Variants in MCEMP1 observed in about 807,000 individuals in gnomAD.
The protein encoded by MCEMP1 is mast cell expressed membrane protein 1.
In MCEMP1, 17 loss-of-function variants were observed where a neutral mutation model predicts 27.9. That is an observed-to-expected ratio of 0.61 (90% CI 0.42 to 0.91). The LOEUF (loss-of-function observed/expected upper bound fraction) is 0.91, where lower values mean the gene tolerates loss of function less well. MCEMP1 is among the 40% of genes least tolerant of loss of function. The pLI, the probability that MCEMP1 is intolerant of heterozygous loss-of-function variation, is 0.00. For synonymous variants in MCEMP1, 88 were observed against 76.9 expected (o/e 1.14, Z -0.76); for missense variants, 200 against 204.8 (o/e 0.98, Z 0.14).
Position 7,679,093 on chromosome 19 carries a change from C to G in MCEMP1, c.509-5C>G, listed in dbSNP as rs766923466. ...GCCTCACTGTGGGTCTCTCCCCATCCCCAGAGTCCTCACCTCAATAAATGA... is the reference window on the plus strand; with the variant it reads ...GCCTCACTGTGGGTCTCTCCCCATCGCCAGAGTCCTCACCTCAATAAATGA... On this transcript the variant is annotated splice_polypyrimidine_tract_variant and splice_region_variant and intron_variant, in intron 6 of 6. Coordinates refer to ENST00000333598, the MANE Select transcript of MCEMP1 (RefSeq NM_174918.3). The surrounding 1 kb of genome is among the most constrained non-coding windows in gnomAD (Gnocchi z 4.9). The G allele has an allele frequency of 1.2e-6, 2 of 1,606,656 alleles. No homozygotes were observed. Among genetic ancestry groups the G allele is most frequent in the South Asian group, 2.2e-5 (2 of 89,826 alleles).
rs2146254508 is a variant in MCEMP1 at position 7,678,021 on chromosome 19, T to G, written c.146-83T>G. 7 of 1,501,744 alleles carry G rather than the reference T, an allele frequency of 4.7e-6. 1 individual carries two copies. In the South Asian group the frequency reaches 9.3e-5, roughly 20 times the overall value. 93.0% of individuals were successfully genotyped at this position (1,501,744 alleles called of 1,614,324 possible). ...GCTGATGGTTTTGAGAGGAGCGAGG[T>G]GTCCATGGTGTTAGAGACAGTGAGG... On this transcript the variant is annotated intron_variant, in intron 2 of 6. Transcript: ENST00000333598. The surrounding 1 kb of genome is among the most constrained non-coding windows in gnomAD (Gnocchi z 4.8).
chr19:7,679,457 G>C lies in MCEMP1; in HGVS notation c.*343G>C, dbSNP rs962831691. ...CAGTGAATGTGGCATGCATGCCTGTGTCATGTGACATATGTGAGTCTCGGC... is the reference window on the plus strand; with the variant it reads ...CAGTGAATGTGGCATGCATGCCTGTCTCATGTGACATATGTGAGTCTCGGC... On this transcript the variant is annotated 3_prime_UTR_variant, in exon 7 of 7. Transcript: ENST00000333598. This position sits in a 1 kb window ranked among gnomAD's most constrained non-coding sequence, Gnocchi z 4.9. 2.1e-5 allele frequency: 7 copies of C among 327,480 alleles called. No individual in the cohort carries two copies. In the Admixed American group the frequency reaches 2.9e-4, roughly 14 times the overall value. 20.3% of individuals were successfully genotyped at this position (327,480 alleles called of 1,614,324 possible).
Position 7,679,723 on chromosome 19 carries a change from G to T in MCEMP1, c.*609G>T, listed in dbSNP as rs2032602292. On this transcript the variant is annotated 3_prime_UTR_variant, in exon 7 of 7. Transcript: ENST00000333598. The surrounding 1 kb of genome is among the most constrained non-coding windows in gnomAD (Gnocchi z 4.9). ...GGTGAACGGCTGTGTCATTATGAGT[G>T]TGCCGAGTTATGCCACCCTGTGTGC... 6.6e-6 allele frequency: 1 copy of T among 152,428 alleles called. No homozygotes were observed. Among genetic ancestry groups the T allele is most frequent in the South Asian group, 2.0e-4 (1 of 4,910 alleles). 9.4% of individuals were successfully genotyped at this position (152,428 alleles called of 1,614,324 possible). A position where few individuals can be genotyped will look rare whatever the true frequency, so the allele number is the denominator to read the frequency against.
At position 7,678,232 on chromosome 19, in the gene MCEMP1, A is replaced by G; in HGVS notation, c.274A>G (p.Met92Val). The change falls in exon 3 of 7, where the codon ATG becomes GTG. Residue 92 changes from methionine to valine, a missense_variant. By Grantham distance (21) the Met-to-Val change is conservative. Coordinates refer to ENST00000333598, the MANE Select transcript of MCEMP1 (RefSeq NM_174918.3). This position sits in a 1 kb window ranked among gnomAD's most constrained non-coding sequence, Gnocchi z 4.8. ...VLCIILSAFI[M>V]VKNAEMSKEL... is the part of the protein sequence containing the mutation. ...CTGCATCATCCTGTCAGCCTTCATC[A>G]TGGTGAAGAGTGAGTACTTCTTGGG... 1 of 1,613,996 alleles carries G rather than the reference A, an allele frequency of 6.2e-7. No homozygotes were observed. Among genetic ancestry groups the G allele is most frequent in the Non-Finnish European group, 8.5e-7 (1 of 1,179,984 alleles).
At position 7,679,040 on chromosome 19, in the gene MCEMP1, C is replaced by A. The variant is rs371986223; in HGVS notation, c.508+57C>A. On this transcript the variant is annotated intron_variant, in intron 6 of 6. Transcript: ENST00000333598. This position sits in a 1 kb window ranked among gnomAD's most constrained non-coding sequence, Gnocchi z 4.9. ...GGGTGGGTGGGGCTTCAGATTTAGCCCCAGCTCCTCTCCCAGGGGCGGGAT... is the reference window on the plus strand; with the variant it reads ...GGGTGGGTGGGGCTTCAGATTTAGCACCAGCTCCTCTCCCAGGGGCGGGAT... The A allele has an allele frequency of 1.4e-5, 23 of 1,604,746 alleles. No homozygotes were observed. The highest frequency in any genetic ancestry group is 3.3e-4 in the Middle Eastern group (2 of 5,986).
In MCEMP1 at chr19:7,678,812, C is replaced by T. The variant is rs541924211; in HGVS notation, c.449-112C>T. On this transcript the variant is annotated intron_variant, in intron 5 of 6. Coordinates refer to ENST00000333598, the MANE Select transcript of MCEMP1 (RefSeq NM_174918.3). The surrounding 1 kb of genome is among the most constrained non-coding windows in gnomAD (Gnocchi z 4.8). ...CCCAAATCCATGGGCTCTGCTGTAC[C>T]CCAGGGTGGGTGTGGGGCAGGGGGG... The T allele has an allele frequency of 8.1e-7, 1 of 1,230,682 alleles. No homozygotes were observed. Among genetic ancestry groups the T allele is most frequent in the Non-Finnish European group, 1.1e-6 (1 of 876,284 alleles). The allele number at this position is 1,230,682 out of a possible 1,614,324, so 76.2% of individuals were successfully genotyped here. A position where few individuals can be genotyped will look rare whatever the true frequency, so the allele number is the denominator to read the frequency against.
chr19:7,677,803 G>A lies in MCEMP1; in HGVS notation c.145+77G>A, dbSNP rs1247005782. The A allele has an allele frequency of 1.1e-5, 15 of 1,374,924 alleles. No homozygotes were observed. In the East Asian group the frequency reaches 3.5e-4, roughly 32 times the overall value. 85.2% of individuals were successfully genotyped at this position (1,374,924 alleles called of 1,614,324 possible). ...GGGCGGGCAACTGCAGGGCCCCCGG[G>A]GCTGCGTGGAAGGGAGGAAGCGATG... On this transcript the variant is annotated intron_variant, in intron 2 of 6. Transcript: ENST00000333598. The surrounding 1 kb of genome is among the most constrained non-coding windows in gnomAD (Gnocchi z 4.6).
At position 7,677,960 on chromosome 19, in the gene MCEMP1, T is replaced by C; in HGVS notation, c.146-144T>C. On this transcript the variant is annotated intron_variant, in intron 2 of 6. Coordinates refer to ENST00000333598, the MANE Select transcript of MCEMP1 (RefSeq NM_174918.3). The surrounding 1 kb of genome is among the most constrained non-coding windows in gnomAD (Gnocchi z 4.6). The stretch of plus-strand genomic sequence containing the variant: ...CTGAGGGTGGCTGGTGGTGGCAGTG[T>C]TGTTGACGATGATGACAAGCTGCAT... The C allele has an allele frequency of 1.5e-6, 2 of 1,299,394 alleles. No individual in the cohort carries two copies. The highest frequency in any genetic ancestry group is 2.1e-6 in the Non-Finnish European group (2 of 945,346). The allele number at this position is 1,299,394 out of a possible 1,614,324, so 80.5% of individuals were successfully genotyped here. A position where few individuals can be genotyped will look rare whatever the true frequency, so the allele number is the denominator to read the frequency against.
chr19:7,677,154 G>A lies in MCEMP1; in HGVS notation c.34G>A (p.Gly12Arg), dbSNP rs1268776984. The change falls in exon 1 of 7, where the codon GGG (glycine) becomes AGG (arginine). Residue 12 changes from glycine (G) to arginine (R), a missense_variant. By Grantham distance (125) the Gly-to-Arg change is moderately radical. Transcript: ENST00000333598. This position sits in a 1 kb window ranked among gnomAD's most constrained non-coding sequence, Gnocchi z 4.6. ...ACCAGCCTTCAGGGACAAGAAACAG[G>A]GGGTCTCAGCCAAGAATCAAGGTTA... ...QAPAFRDKKQGVSAKNQGAHD... is the reference protein window; with the variant it reads ...QAPAFRDKKQRVSAKNQGAHD... 1.3e-6 allele frequency: 2 copies of A among 1,594,776 alleles called. No individual in the cohort carries two copies. The highest frequency in any genetic ancestry group is 1.3e-5 in the African/African-American group (1 of 74,240).
chr19:7,679,088 C>T lies in MCEMP1; in HGVS notation c.509-10C>T. ...GATCTGCCTCACTGTGGGTCTCTCCCCATCCCCAGAGTCCTCACCTCAATA... is the reference window on the plus strand; with the variant it reads ...GATCTGCCTCACTGTGGGTCTCTCCTCATCCCCAGAGTCCTCACCTCAATA... On this transcript the variant is annotated splice_polypyrimidine_tract_variant and intron_variant, in intron 6 of 6. Coordinates refer to ENST00000333598, the MANE Select transcript of MCEMP1 (RefSeq NM_174918.3). This position sits in a 1 kb window ranked among gnomAD's most constrained non-coding sequence, Gnocchi z 4.9. 1 of 1,607,512 alleles carries T rather than the reference C, an allele frequency of 6.2e-7. No individual in the cohort carries two copies. The highest frequency in any genetic ancestry group is 8.5e-7 in the Non-Finnish European group (1 of 1,176,634).
rs1383441755 is a variant in MCEMP1 at position 7,677,917 on chromosome 19, G to A, written c.146-187G>A. The A allele has an allele frequency of 1.1e-5, 12 of 1,065,622 alleles. 1 individual carries two copies. Among genetic ancestry groups the A allele is most frequent in the Admixed American group, 2.3e-5 (1 of 43,182 alleles). 66.0% of individuals were successfully genotyped at this position (1,065,622 alleles called of 1,614,324 possible). On this transcript the variant is annotated intron_variant, in intron 2 of 6. Coordinates refer to ENST00000333598, the MANE Select transcript of MCEMP1 (RefSeq NM_174918.3). This position sits in a 1 kb window ranked among gnomAD's most constrained non-coding sequence, Gnocchi z 4.6. Reference sequence around the variant, plus strand: ...GAATGCTGGAGAGGGGGTCTGTGATGGTGACGGTGTTAGATCGCTGAGGGT... The same window carrying A: ...GAATGCTGGAGAGGGGGTCTGTGATAGTGACGGTGTTAGATCGCTGAGGGT...
Position 7,677,780 on chromosome 19 carries a change from G to A in MCEMP1, c.145+54G>A. The A allele has an allele frequency of 6.8e-7, 1 of 1,478,992 alleles. No individual in the cohort carries two copies. Among genetic ancestry groups the A allele is most frequent in the Non-Finnish European group, 9.1e-7 (1 of 1,094,716 alleles). 91.6% of individuals were successfully genotyped at this position (1,478,992 alleles called of 1,614,324 possible). A position where few individuals can be genotyped will look rare whatever the true frequency, so the allele number is the denominator to read the frequency against. ...CATCACCTTGGGAAGGGGCAGGTGG[G>A]CGGGCAACTGCAGGGCCCCCGGGGC... On this transcript the variant is annotated intron_variant, in intron 2 of 6. Transcript: ENST00000333598. This position sits in a 1 kb window ranked among gnomAD's most constrained non-coding sequence, Gnocchi z 4.6.
rs1471366124 is a variant in MCEMP1, at chr19:7,678,126, C to T, written c.168C>T (p.Pro56=). 1 of 1,610,740 alleles carries T rather than the reference C, an allele frequency of 6.2e-7. No individual in the cohort carries two copies. The highest frequency in any genetic ancestry group is 8.5e-7 in the Non-Finnish European group (1 of 1,178,546). The change falls in exon 3 of 7, where the codon CCC becomes CCT. Residue 56 remains proline (P), a synonymous_variant. Coordinates refer to ENST00000333598, the MANE Select transcript of MCEMP1 (RefSeq NM_174918.3). The surrounding 1 kb of genome is among the most constrained non-coding windows in gnomAD (Gnocchi z 4.8). The part of the protein sequence containing the change: ...TSQVPAQCRP[P]SDSTQVPCWL... ...CAGTCCCAGCCCAGTGCAGGCCGCC[C>T]TCAGACTCCACCCAGGTCCCCTGCT...
rs773682928 is a variant in MCEMP1 at position 7,678,331 on chromosome 19, T to TC, written c.284-17dup. 3 of 1,614,102 alleles carry TC rather than the reference T, an allele frequency of 1.9e-6. No individual in the cohort carries two copies. Among genetic ancestry groups the TC allele is most frequent in the Non-Finnish European group, 2.5e-6 (3 of 1,180,016 alleles). ...CTCTCCCTGGGTGCTTCAAGGATTT[T>TC]CCTGCCCCTCCTGAACAGATGCTGA... On this transcript the variant is annotated intron_variant, in intron 3 of 6. Coordinates refer to ENST00000333598, the MANE Select transcript of MCEMP1 (RefSeq NM_174918.3). This position sits in a 1 kb window ranked among gnomAD's most constrained non-coding sequence, Gnocchi z 4.8.
In MCEMP1 at chr19:7,677,156, G is replaced by A. The variant is rs576910434; in HGVS notation, c.36G>A (p.Gly12=). The change falls in exon 1 of 7, where the codon GGG becomes GGA. Residue 12 remains glycine, a synonymous_variant. Coordinates refer to ENST00000333598, the MANE Select transcript of MCEMP1 (RefSeq NM_174918.3). The surrounding 1 kb of genome is among the most constrained non-coding windows in gnomAD (Gnocchi z 4.6). ...CAGCCTTCAGGGACAAGAAACAGGG[G>A]GTCTCAGCCAAGAATCAAGGTTAGG... is the stretch of plus-strand genomic sequence containing the variant. The part of the protein sequence containing the change: ...QAPAFRDKKQ[G]VSAKNQGAHD... 93 of 1,594,104 alleles carry A rather than the reference G, an allele frequency of 5.8e-5. No individual in the cohort carries two copies. The South Asian group carries it at 8.7e-4, about 15-fold the overall frequency.
At position 7,677,982 on chromosome 19, in the gene MCEMP1, G is replaced by T; in HGVS notation, c.146-122G>T. 4 of 1,418,946 alleles carry T rather than the reference G, an allele frequency of 2.8e-6. No individual in the cohort carries two copies. Among genetic ancestry groups the T allele is most frequent in the Non-Finnish European group, 3.8e-6 (4 of 1,053,254 alleles). The allele number at this position is 1,418,946 out of a possible 1,614,324, so 87.9% of individuals were successfully genotyped here. A position where few individuals can be genotyped will look rare whatever the true frequency, so the allele number is the denominator to read the frequency against. ...GTGTTGTTGACGATGATGACAAGCT[G>T]CATGACCACAGCTGCTGATGGTTTT... On this transcript the variant is annotated intron_variant, in intron 2 of 6. Transcript: ENST00000333598. The surrounding 1 kb of genome is among the most constrained non-coding windows in gnomAD (Gnocchi z 4.6).
rs1034052152 is a variant in MCEMP1, at chr19:7,677,565, G to A, written c.56-72G>A. On this transcript the variant is annotated intron_variant, in intron 1 of 6. Coordinates refer to ENST00000333598, the MANE Select transcript of MCEMP1 (RefSeq NM_174918.3). The surrounding 1 kb of genome is among the most constrained non-coding windows in gnomAD (Gnocchi z 4.6). ...CCCTACAATTTATTGAGTGCAAAGGGTTGGGTAAAACAAGATCCCGGATCC... is the reference window on the plus strand; with the variant it reads ...CCCTACAATTTATTGAGTGCAAAGGATTGGGTAAAACAAGATCCCGGATCC... The A allele has an allele frequency of 1.4e-6, 2 of 1,393,564 alleles. No individual in the cohort carries two copies. Among genetic ancestry groups the A allele is most frequent in the East Asian group, 2.3e-5 (1 of 43,824 alleles). 86.3% of individuals were successfully genotyped at this position (1,393,564 alleles called of 1,614,324 possible). A position where few individuals can be genotyped will look rare whatever the true frequency, so the allele number is the denominator to read the frequency against.
chr19:7,679,392 A>C lies in MCEMP1; in HGVS notation c.*278A>C, dbSNP rs936915481. On this transcript the variant is annotated 3_prime_UTR_variant, in exon 7 of 7. Coordinates refer to ENST00000333598, the MANE Select transcript of MCEMP1 (RefSeq NM_174918.3). The surrounding 1 kb of genome is among the most constrained non-coding windows in gnomAD (Gnocchi z 4.9). ...TTGCAAAGGGTGGACATTTCAGTGT[A>C]TCTCCCAGAAAGGTGATGAATGAAT... The C allele has an allele frequency of 6.3e-6, 3 of 473,580 alleles. No individual in the cohort carries two copies. Among genetic ancestry groups the C allele is most frequent in the African/African-American group, 6.0e-5 (3 of 50,010 alleles). The allele number at this position is 473,580 out of a possible 1,614,324, so 29.3% of individuals were successfully genotyped here. A position where few individuals can be genotyped will look rare whatever the true frequency, so the allele number is the denominator to read the frequency against.
Position 7,678,272 on chromosome 19 carries a change from G to T in MCEMP1, c.283+31G>T, listed in dbSNP as rs372401061. The T allele has an allele frequency of 3.1e-6, 5 of 1,613,972 alleles. No individual in the cohort carries two copies. Among genetic ancestry groups the T allele is most frequent in the Admixed American group, 1.7e-5 (1 of 59,996 alleles). On this transcript the variant is annotated intron_variant, in intron 3 of 6. Transcript: ENST00000333598. The surrounding 1 kb of genome is among the most constrained non-coding windows in gnomAD (Gnocchi z 4.8). ...TACTTCTTGGGAGGAGGGTGCTGGG[G>T]GGCCTAGACTTTCTCCCTTGTCCTT...
Sources: allele counts gnomAD v4.1 joint callset, GRCh38; gene constraint gnomAD v4.1.1; non-coding constraint Gnocchi (gnomAD v3.1); transcripts MANE v1.5; gene names NCBI Gene and HGNC (gene_info 2026-07-23, HGNC 2026-07-21).